The following PLXDC2 variants were observed in gnomAD, a reference collection of about 807,000 sequenced individuals.
The protein encoded by PLXDC2 is plexin domain-containing protein 2.
In PLXDC2, 40 loss-of-function variants were observed where a neutral mutation model predicts 68.9. The ratio of observed to expected loss-of-function variants is 0.58; its 90% CI spans 0.45 to 0.76. The LOEUF (loss-of-function observed/expected upper bound fraction) is 0.76. Ranked by LOEUF, PLXDC2 falls within the 30% of genes least tolerant of loss-of-function variation. The pLI is 0.00. For missense variants in PLXDC2, 644 were observed against 661.9 expected, an observed-to-expected ratio of 0.97 and a Z score of 0.30; for synonymous variants, 243 against 234.2, an observed-to-expected ratio of 1.04 and a Z score of -0.34.
At chr10:20,273,822 G>C (rs1306282046) in intron 13 of PLXDC2, among the ~76,000 whole-genome samples, 1 of 152,190 alleles carries the variant, frequency 6.6e-6, no homozygotes, top group Non-Finnish European at 1.5e-5. Flanking sequence ...TTCGAGACCA[G>C]TCTGGGCAAT....
At chr10:19,939,050 T>G (rs1379540465) in intron 1 of PLXDC2, among the ~76,000 whole-genome samples, 4 of 152,154 alleles carry the variant, frequency 2.6e-5, no homozygotes, top group Non-Finnish European at 5.9e-5. Flanking sequence ...GGGAGTAATA[T>G]CCTGTAATCA....
At chr10:20,011,989 G>T (rs560770011) in intron 2 of PLXDC2, among the ~76,000 whole-genome samples, 1 of 152,114 alleles carries the variant, frequency 6.6e-6, no homozygotes, top group Non-Finnish European at 1.5e-5. Flanking sequence ...AAACAGTGAC[G>T]TTCTGTAATT....
chr10:19,823,492 G>A (rs1836516284), intron 1 of PLXDC2, among the ~76,000 whole-genome samples: 1 of 151,398 alleles, frequency 6.6e-6, no homozygotes, highest in Non-Finnish European at 1.5e-5. Flanking sequence ...GACCATCCTG[G>A]CCAACATGGT....
At chr10:20,018,469 GA>G (rs760156009) in intron 2 of PLXDC2, among the ~76,000 whole-genome samples, 1 of 152,086 alleles carries the variant, frequency 6.6e-6, no homozygotes, top group Non-Finnish European at 1.5e-5. Context: ...GATAGTTTTA[GA>G]GCTCTCATCT....
At chr10:20,089,106 C>T (rs6482088) in intron 4 of PLXDC2, among the ~76,000 whole-genome samples, 5 of 151,246 alleles carry the variant, frequency 3.3e-5, no homozygotes, top group South Asian at 2.1e-4. Flanking sequence ...AGTCAAAATA[C>T]GGAACATTAA....
At chr10:19,989,756 T>C (rs1834715139) in intron 1 of PLXDC2, among the ~76,000 whole-genome samples, 1 of 151,126 alleles carries the variant, frequency 6.6e-6, no homozygotes, top group Non-Finnish European at 1.5e-5. Context: ...TGTGAATTTT[T>C]TTTTTTTTTT....
intron 4 of PLXDC2, among the ~76,000 whole-genome samples, chr10:20,116,333 A>G (rs1188735165): frequency 6.6e-6 from 1 of 152,160 alleles, no homozygotes; most frequent in African/African-American, 2.4e-5. Context: ...CACCAGTTAA[A>G]CTAAGAGGAG....
chr10:20,212,454 C>T (rs1054054823), intron 10 of PLXDC2, among the ~76,000 whole-genome samples: 2 of 151,996 alleles, frequency 1.3e-5, no homozygotes, highest in South Asian at 2.1e-4. Flanking sequence ...TGCAGTGACT[C>T]GCATTTATAC....
intron 1 of PLXDC2, among the ~76,000 whole-genome samples, chr10:19,893,170 G>C (rs1161089599): frequency 6.6e-6 from 1 of 152,086 alleles, no homozygotes; most frequent in Non-Finnish European, 1.5e-5. Flanking sequence ...CTTTCATTCA[G>C]ATGTGGCTGT....
chr10:19,958,431 C>T (rs1163741443), intron 1 of PLXDC2, among the ~76,000 whole-genome samples: 9 of 152,062 alleles, frequency 5.9e-5, no homozygotes, highest in Non-Finnish European at 1.2e-4. Flanking sequence ...AAATTATAAC[C>T]TATTTGCTCT....
intron 3 of PLXDC2, among the ~76,000 whole-genome samples, chr10:20,048,313 C>A (rs928954010): frequency 3.3e-5 from 5 of 151,856 alleles, no homozygotes; most frequent in African/African-American, 1.2e-4. Flanking sequence ...AGAGCACATG[C>A]TTTCTGCGTC....
intron 3 of PLXDC2, among the ~76,000 whole-genome samples, chr10:20,052,129 T>G (rs777967524): frequency 2.4e-4 from 37 of 151,992 alleles, no homozygotes; most frequent in Non-Finnish European, 4.9e-4. Flanking sequence ...AGTTTCCATT[T>G]GAAAAAAAAT....
chr10:20,186,939 G>A (rs999965273), intron 9 of PLXDC2, among the ~76,000 whole-genome samples: 2 of 151,774 alleles, frequency 1.3e-5, no homozygotes, highest in African/African-American at 4.8e-5. Context: ...CCCAGTAATG[G>A]GATTGCAGGG....
At chr10:20,160,727 A>T (rs2131810586) in intron 6 of PLXDC2, among the ~76,000 whole-genome samples, 1 of 152,310 alleles carries the variant, frequency 6.6e-6, no homozygotes, top group East Asian at 1.9e-4. Context: ...AGACAAAAGA[A>T]TAAACTAAAG....
chr10:19,957,966 G>A (rs965010777), intron 1 of PLXDC2, among the ~76,000 whole-genome samples: 18 of 152,016 alleles, frequency 1.2e-4, no homozygotes, highest in South Asian at 2.1e-4. Context: ...TGTTCTGATT[G>A]TGATCTCCTC....
At chr10:20,237,679 A>G (rs1835452152) in intron 12 of PLXDC2, among the ~76,000 whole-genome samples, 2 of 152,218 alleles carry the variant, frequency 1.3e-5, no homozygotes, top group Admixed American at 6.5e-5. Context: ...TGGAACACTA[A>G]CATTTTCAGC....
intron 1 of PLXDC2, among the ~76,000 whole-genome samples, chr10:19,982,617 C>A (rs1246544146): frequency 1.3e-5 from 2 of 152,112 alleles, no homozygotes; most frequent in Non-Finnish European, 2.9e-5. Flanking sequence ...AAAACATGCT[C>A]ACTAGCTAAA....
At position 20,281,659 on chromosome 10, in the gene PLXDC2, A is replaced by G. The variant is rs553627951; in HGVS notation, c.*1840A>G. On this transcript the variant is annotated 3_prime_UTR_variant, in exon 14 of 14. Transcript: ENST00000377252. The stretch of plus-strand genomic sequence containing the variant: ...CTAACTTAGTTAACTATTAAAAAAA[A>G]TTTTGAAAAGCAAGGTGATTGAAGG... 8.5e-5 allele frequency: 13 copies of G among 152,270 alleles called. No individual in the cohort carries two copies. In the East Asian group the frequency reaches 2.5e-3, roughly 29 times the overall value. 9.4% of individuals were successfully genotyped at this position (152,270 alleles called of 1,614,324 possible). A position where few individuals can be genotyped will look rare whatever the true frequency, so the allele number is the denominator to read the frequency against.
At chr10:19,967,703 T>C (rs925885486) in intron 1 of PLXDC2, among the ~76,000 whole-genome samples, 3 of 152,186 alleles carry the variant, frequency 2.0e-5, no homozygotes, top group South Asian at 2.1e-4. Flanking sequence ...TACTATGTCA[T>C]GTCCACCTTA....
Sources: allele counts gnomAD v4.1 joint callset (sites outside exome capture counted in the v4.1 genomes callset), GRCh38; gene constraint gnomAD v4.1.1; transcripts MANE v1.5; gene names NCBI Gene and HGNC (gene_info 2026-07-23, HGNC 2026-07-21).